The following EPS15L1 variants were observed in gnomAD, a reference collection of about 807,000 sequenced individuals.
EPS15L1 encodes epidermal growth factor receptor pathway substrate 15 like 1, also known as epidermal growth factor receptor substrate 15-like 1.
A neutral mutation model predicts 117.1 loss-of-function variants in EPS15L1; 43 were observed. The ratio of observed to expected loss-of-function variants is 0.37; its 90% CI spans 0.29 to 0.47. The LOEUF is 0.47. Ranked by LOEUF, EPS15L1 falls within the 20% of genes least tolerant of loss-of-function variation. The probability of loss-of-function intolerance (pLI) is 0.99; values close to 1 mark genes in which losing one functional copy is unlikely to be tolerated. For missense variants in EPS15L1, 981 were observed against 1,164.0 expected (o/e 0.84, Z 2.29); for synonymous variants, 459 against 470.5 (o/e 0.98, Z 0.32).
At chr19:16,450,204 G>A (rs914167440) in intron 1 of EPS15L1, among the ~76,000 whole-genome samples, 2 of 152,088 alleles carry the variant, frequency 1.3e-5, no homozygotes, top group Non-Finnish European at 2.9e-5. Flanking sequence ...CTATGATCGT[G>A]CTACTGCACT....
intron 23 of EPS15L1, chr19:16,356,202 G>A: frequency 3.0e-6 from 1 of 333,760 alleles, no homozygotes; most frequent in Non-Finnish European, 5.6e-6. Flanking sequence ...AGCGTGCATG[G>A]CTCTAAAGCC....
At chr19:16,438,635 T>C (rs2092999287) in intron 4 of EPS15L1, among the ~76,000 whole-genome samples, 2 of 152,084 alleles carry the variant, frequency 1.3e-5, no homozygotes, top group Non-Finnish European at 2.9e-5. Context: ...GCTCAAGCGA[T>C]CCTCCTGCCT....
At chr19:16,412,344 C>T (rs143401905) in intron 13 of EPS15L1, among the ~76,000 whole-genome samples, 67 of 151,928 alleles carry the variant, frequency 4.4e-4, no homozygotes, top group African/African-American at 1.4e-3. Context: ...TACTAAAATA[C>T]AAAAAATTAG....
intron 13 of EPS15L1, chr19:16,413,165 G>T: frequency 3.0e-6 from 2 of 661,870 alleles, no homozygotes; most frequent in Non-Finnish European, 2.8e-6. Context: ...CCATCATACT[G>T]GCCAAGCTCT....
At chr19:16,413,742 T>C (rs1378225922) in intron 13 of EPS15L1, 31 bp downstream of exon 13, 1 of 1,586,962 alleles carries the variant, frequency 6.3e-7, no homozygotes. Context: ...TAGCACAAAG[T>C]AGATGTAACC....
At chr19:16,393,358 A>G (rs2092501378) in intron 18 of EPS15L1, among the ~76,000 whole-genome samples, 2 of 151,962 alleles carry the variant, frequency 1.3e-5, no homozygotes, top group Non-Finnish European at 1.5e-5. Context: ...CCTGAAAAAA[A>G]ATAAATCGGT....
chr19:16,468,055 T>C (rs1348056495), intron 1 of EPS15L1, among the ~76,000 whole-genome samples: 3 of 152,156 alleles, frequency 2.0e-5, no homozygotes, highest in Non-Finnish European at 4.4e-5. Flanking sequence ...TCCTCATCAC[T>C]GAGCCCAGTT....
Position 16,370,525 on chromosome 19 carries a change from C to G in EPS15L1, c.2380+6597G>C, listed in dbSNP as rs910121575. Among the ~76,000 whole-genome samples, 1 of 152,130 alleles carries G rather than the reference C, an allele frequency of 6.6e-6. No homozygotes were observed. Among genetic ancestry groups the G allele is most frequent in the African/African-American group, 2.4e-5 (1 of 41,414 alleles). On this transcript the variant is annotated intron_variant, in intron 22 of 23. Coordinates refer to ENST00000455140, the MANE Select transcript of EPS15L1 (RefSeq NM_001258374.3). This position sits in a 1 kb window ranked among gnomAD's most constrained non-coding sequence, Gnocchi z 5.2. ...GCCCAGCCACTCTAGGCCTGCACCC[C>G]ACCCTGCAGCCCCCCAGGCCTCAGC...
intron 1 of EPS15L1, among the ~76,000 whole-genome samples, chr19:16,469,234 G>A (rs12462600): frequency 0.067 from 10,117 of 152,034 alleles, 479 homozygotes; most frequent in African/African-American, 0.13. Flanking sequence ...GGGAGGGAGC[G>A]CACAGAGAGA....
rs192434114 is a variant in EPS15L1 at position 16,373,203 on chromosome 19, C to T, written c.2380+3919G>A. On this transcript the variant is annotated intron_variant, in intron 22 of 23. Coordinates refer to ENST00000455140, the MANE Select transcript of EPS15L1 (RefSeq NM_001258374.3). ...CTTTTTGTCAGTCTGTCTATCTCCA[C>T]CAGCTCAAGGCTCGACCGCCAGGCT... Among the ~76,000 whole-genome samples, 1,067 of 152,280 alleles carry T rather than the reference C, an allele frequency of 7.0e-3. 4 individuals carry two copies. Among genetic ancestry groups the T allele is most frequent in the Non-Finnish European group, 0.011 (747 of 68,024 alleles).
intron 1 of EPS15L1, among the ~76,000 whole-genome samples, chr19:16,465,480 C>T (rs553785068): frequency 1.3e-5 from 2 of 151,620 alleles, no homozygotes; most frequent in African/African-American, 2.4e-5. Flanking sequence ...GTCAGGAGTT[C>T]GAAACCAGCC....
chr19:16,378,230 G>A (rs1451372331), intron 21 of EPS15L1, among the ~76,000 whole-genome samples: 1 of 152,016 alleles, frequency 6.6e-6, no homozygotes, highest in African/African-American at 2.4e-5. Context: ...ACTTCCTATA[G>A]GGAAGCTCCA....
At chr19:16,377,016 G>T in intron 22 of EPS15L1, 106 bp downstream of exon 22, 2 of 1,397,492 alleles carry the variant, frequency 1.4e-6, no homozygotes, top group East Asian at 2.4e-5. Flanking sequence ...CCCACACAGG[G>T]TCCCACGGCA....
chr19:16,379,489 T>C (rs1274192172), intron 21 of EPS15L1, among the ~76,000 whole-genome samples: 1 of 152,158 alleles, frequency 6.6e-6, no homozygotes, highest in Non-Finnish European at 1.5e-5. Flanking sequence ...CTCGAGAATC[T>C]GAATGCAACA....
intron 17 of EPS15L1, 27 bp from the exon 18 acceptor site, chr19:16,394,028 A>G: frequency 6.2e-7 from 1 of 1,612,972 alleles, no homozygotes; most frequent in African/African-American, 1.3e-5. Context: ...AGAAATGCTT[A>G]TTAGCTCTAG....
chr19:16,429,178 G>A lies in EPS15L1; in HGVS notation c.499-417C>T, dbSNP rs185827310. Among the ~76,000 whole-genome samples the A allele has an allele frequency of 9.5e-4, 145 of 152,094 alleles. 2 individuals carry two copies. Among genetic ancestry groups the A allele is most frequent in the Admixed American group, 7.5e-3 (115 of 15,290 alleles). On this transcript the variant is annotated intron_variant, in intron 7 of 23. Transcript: ENST00000455140. ...TGCATTCTCAGCTGGGCAGGGCTGCGAGCTCATGTCTGAGCAGGTCTGTGG... is the reference window on the plus strand; with the variant it reads ...TGCATTCTCAGCTGGGCAGGGCTGCAAGCTCATGTCTGAGCAGGTCTGTGG...
rs973711877 is a variant in EPS15L1, at chr19:16,396,365, G to A, written c.1792-898C>T. Among the ~76,000 whole-genome samples, 3 of 152,272 alleles carry A rather than the reference G, an allele frequency of 2.0e-5. No individual in the cohort carries two copies. The East Asian group carries it at 5.8e-4, about 29-fold the overall frequency. On this transcript the variant is annotated intron_variant, in intron 16 of 23. Transcript: ENST00000455140. ...CAGCCTTGACCATCTGGGCTCAAGT[G>A]ATCCTCCCACGTCGGTCTCCCGAGT...
chr19:16,461,420 G>T (rs2093250261), intron 1 of EPS15L1, among the ~76,000 whole-genome samples: 1 of 151,834 alleles, frequency 6.6e-6, no homozygotes, highest in South Asian at 2.1e-4. Flanking sequence ...TCAGGAGTTC[G>T]AAACTGGCCT....
At chr19:16,469,534 A>AG (rs1387842508) in intron 1 of EPS15L1, among the ~76,000 whole-genome samples, 4 of 152,008 alleles carry the variant, frequency 2.6e-5, no homozygotes, top group Admixed American at 2.6e-4. Context: ...GGAAAAAAAA[A>AG]TCACTCCTAA....
Sources: allele counts gnomAD v4.1 joint callset (sites outside exome capture counted in the v4.1 genomes callset), GRCh38; gene constraint gnomAD v4.1.1; non-coding constraint Gnocchi (gnomAD v3.1); transcripts MANE v1.5; gene names NCBI Gene and HGNC (gene_info 2026-07-23, HGNC 2026-07-21).